The following TTC29 variants were observed in gnomAD, a reference collection of about 807,000 sequenced individuals.
TTC29 encodes tetratricopeptide repeat protein 29.
A neutral mutation model predicts 58.1 loss-of-function variants in TTC29; 49 were observed. The observed-to-expected ratio is 0.84, with a 90% CI of 0.67 to 1.07. The LOEUF is 1.07. Ranked by LOEUF, TTC29 falls within the 50% of genes least tolerant of loss-of-function variation. The pLI, the probability that TTC29 is intolerant of heterozygous loss-of-function variation, is 0.00. For synonymous variants in TTC29, 209 were observed against 196.8 expected, an observed-to-expected ratio of 1.06 and a Z score of -0.52; for missense variants, 582 against 555.6, an observed-to-expected ratio of 1.05 and a Z score of -0.48.
chr4:146,915,812 A>C (rs12503342), intron 4 of TTC29, among the ~76,000 whole-genome samples: 23,979 of 151,842 alleles, frequency 0.16, 3,021 homozygotes, highest in African/African-American at 0.34. Context: ...AATCAAGATG[A>C]AGCTTTACAG....
rs776289710 is a variant in TTC29, at chr4:146,939,829, G to A, written c.67C>T (p.Pro23Ser). Residue 23 changes from proline to serine, a missense_variant, in exon 3 of 13, where the codon CCT (proline) becomes TCT (serine). Coordinates refer to ENST00000325106, the MANE Select transcript of TTC29 (RefSeq NM_031956.4). The part of the protein sequence containing the change: ...KLTALARQKL[P>S]CSSRKIPRSQ... ...CTTGGAATTTTTCTGGAGGAGCAAG[G>A]CAGCTTCTGTCTGGCTAAGGCTGTA... is the stretch of plus-strand genomic sequence containing the variant. 3.1e-6 allele frequency: 5 copies of A among 1,613,070 alleles called. No homozygotes were observed. In the South Asian group the frequency reaches 4.4e-5, roughly 14 times the overall value.
At chr4:146,740,647 A>G (rs1405785436) in intron 11 of TTC29, among the ~76,000 whole-genome samples, 1 of 152,134 alleles carries the variant, frequency 6.6e-6, no homozygotes, top group East Asian at 1.9e-4. Flanking sequence ...TATTCAAAGT[A>G]CCAGACTTAA....
In TTC29 at chr4:146,867,593, AG is replaced by A. The variant is rs1430686541; in HGVS notation, c.800-11del. 7.1e-7 allele frequency: 1 copy of A among 1,404,962 alleles called. No individual in the cohort carries two copies. The highest frequency in any genetic ancestry group is 9.6e-7 in the Non-Finnish European group (1 of 1,039,968). The allele number at this position is 1,404,962 out of a possible 1,614,324, so 87.0% of individuals were successfully genotyped here. A position where few individuals can be genotyped will look rare whatever the true frequency, so the allele number is the denominator to read the frequency against. On this transcript the variant is annotated splice_polypyrimidine_tract_variant and intron_variant, in intron 7 of 12. Coordinates refer to ENST00000325106, the MANE Select transcript of TTC29 (RefSeq NM_031956.4). ...ATCTTTTTGTCACTTCCTGAAGTGAAGATGTAAAAAAATTACCAAGTATTCA... is the reference window on the plus strand; with the variant it reads ...ATCTTTTTGTCACTTCCTGAAGTGAAATGTAAAAAAATTACCAAGTATTCA...
At chr4:146,712,660 C>T (rs1742594946) in intron 11 of TTC29, among the ~76,000 whole-genome samples, 1 of 152,078 alleles carries the variant, frequency 6.6e-6, no homozygotes. Context: ...CAGGAAGAAA[C>T]AGATGGCACA....
At chr4:146,732,128 T>G (rs777959546) in intron 11 of TTC29, among the ~76,000 whole-genome samples, 4 of 152,184 alleles carry the variant, frequency 2.6e-5, no homozygotes, top group Non-Finnish European at 5.9e-5. Context: ...ATGGGAATGT[T>G]ATGGTATTCA....
intron 4 of TTC29, among the ~76,000 whole-genome samples, chr4:146,932,891 C>T (rs894435733): frequency 8.6e-5 from 13 of 151,976 alleles, no homozygotes; most frequent in Admixed American, 6.6e-4. Flanking sequence ...CCCGTCTCTA[C>T]TAAAAATACA....
At chr4:146,749,216 T>C (rs1157101147) in intron 11 of TTC29, among the ~76,000 whole-genome samples, 1 of 149,670 alleles carries the variant, frequency 6.7e-6, no homozygotes, top group Non-Finnish European at 1.5e-5. Flanking sequence ...GAGGCTGAGG[T>C]AGGAGGATCG....
chr4:146,819,688 T>C (rs778074686), intron 10 of TTC29, among the ~76,000 whole-genome samples: 29 of 152,232 alleles, frequency 1.9e-4, no homozygotes, highest in Non-Finnish European at 4.1e-4. Context: ...TTTTTAGGAT[T>C]GTCGTTTCTT....
chr4:146,721,718 G>C (rs1743371462), intron 11 of TTC29, among the ~76,000 whole-genome samples: 2 of 152,026 alleles, frequency 1.3e-5, no homozygotes, highest in Non-Finnish European at 2.9e-5. Context: ...CTGTGGGTTT[G>C]AAACGCCAGA....
intron 11 of TTC29, among the ~76,000 whole-genome samples, chr4:146,758,662 A>C (rs1404084051): frequency 6.6e-6 from 1 of 152,180 alleles, no homozygotes; most frequent in Non-Finnish European, 1.5e-5. Flanking sequence ...CAGTGGAATA[A>C]AACTGGAAAT....
chr4:146,801,973 T>G (rs1461669341), intron 11 of TTC29, among the ~76,000 whole-genome samples: 1 of 71,184 alleles, frequency 1.4e-5, no homozygotes. Flanking sequence ...AGCGAGACTC[T>G]GTCTCAAAAA....
intron 6 of TTC29, among the ~76,000 whole-genome samples, chr4:146,886,399 C>T (rs762702637): frequency 1.3e-5 from 2 of 152,084 alleles, no homozygotes; most frequent in Non-Finnish European, 2.9e-5. Context: ...CATCTATTAA[C>T]CTTCACGGAT....
chr4:146,762,918 T>A (rs1747016025), intron 11 of TTC29, among the ~76,000 whole-genome samples: 1 of 152,124 alleles, frequency 6.6e-6, no homozygotes, highest in East Asian at 1.9e-4. Context: ...ATTTCAACTT[T>A]GAGCTGCAAT....
intron 8 of TTC29, among the ~76,000 whole-genome samples, chr4:146,842,247 G>A (rs568987855): frequency 1.3e-5 from 2 of 152,170 alleles, no homozygotes; most frequent in South Asian, 4.1e-4. Context: ...TTATTTCCTA[G>A]TGAGGCTAGC....
intron 8 of TTC29, among the ~76,000 whole-genome samples, chr4:146,856,373 C>A (rs952083691): frequency 2.6e-5 from 4 of 151,824 alleles, no homozygotes; most frequent in Admixed American, 6.6e-5. Context: ...TCAAGGGAAA[C>A]TAAAACCAGC....
chr4:146,866,640 T>C (rs1730581953), intron 8 of TTC29, among the ~76,000 whole-genome samples: 1 of 152,116 alleles, frequency 6.6e-6, no homozygotes, highest in Admixed American at 6.6e-5. Flanking sequence ...TAATCATTAA[T>C]TAAAAAATAT....
At chr4:146,708,741 A>T (rs910474203) in intron 11 of TTC29, among the ~76,000 whole-genome samples, 1 of 151,978 alleles carries the variant, frequency 6.6e-6, no homozygotes, top group African/African-American at 2.4e-5. Context: ...TTCCTGAAAG[A>T]GTTCCACTTT....
intron 6 of TTC29, among the ~76,000 whole-genome samples, chr4:146,880,870 C>T (rs181320977): frequency 8.6e-5 from 13 of 151,332 alleles, no homozygotes; most frequent in Admixed American, 7.9e-4. Context: ...CCGTAAGCTA[C>T]GAACATTAGA....
chr4:146,743,483 A>G (rs1356344718), intron 11 of TTC29, among the ~76,000 whole-genome samples: 1 of 152,212 alleles, frequency 6.6e-6, no homozygotes, highest in East Asian at 1.9e-4. Flanking sequence ...AACAAGCAGC[A>G]CAGCCAGACT....
Sources: gnomAD v4.1 joint callset for allele counts (sites outside exome capture counted in the v4.1 genomes callset) on GRCh38, gnomAD v4.1.1 for gene constraint, MANE v1.5 for transcripts, NCBI Gene and HGNC (gene_info 2026-07-23, HGNC 2026-07-21) for gene names.